Variants in MTCL3 observed in about 807,000 individuals in gnomAD.
MTCL3 encodes the protein microtubule cross-linking factor 3.
chr6:127,476,286 G>A, the MTCL3 span: 2 of 1,614,186 alleles, frequency 1.2e-6, no homozygotes, highest in East Asian at 4.5e-5. This position sits in a 1 kb window ranked among gnomAD's most constrained non-coding sequence, Gnocchi z 4.4. Flanking sequence ...CCCTAGTGCT[G>A]GGAGGGCCTC....
the MTCL3 span, among the ~76,000 whole-genome samples, chr6:127,506,721 C>T: frequency 6.6e-6 from 1 of 152,106 alleles, no homozygotes; most frequent in South Asian, 2.1e-4. Flanking sequence ...GCTGGGACTA[C>T]AGGCGCCCAC....
the MTCL3 span, among the ~76,000 whole-genome samples, chr6:127,508,426 G>T: frequency 1.3e-5 from 2 of 152,118 alleles, no homozygotes; most frequent in Non-Finnish European, 2.9e-5. Context: ...AAAATTTATA[G>T]TACTAATTAT....
At chr6:127,496,582 G>T in the MTCL3 span, among the ~76,000 whole-genome samples, 1 of 152,116 alleles carries the variant, frequency 6.6e-6, no homozygotes, top group Non-Finnish European at 1.5e-5. Flanking sequence ...ACATACTCAA[G>T]AGAAATAAAA....
the MTCL3 span, among the ~76,000 whole-genome samples, chr6:127,506,666 C>T: frequency 2.0e-5 from 3 of 152,112 alleles, no homozygotes; most frequent in African/African-American, 4.8e-5. Flanking sequence ...CTGCAAGCTC[C>T]GCCTCTCGGG....
At chr6:127,495,706 G>A in the MTCL3 span, among the ~76,000 whole-genome samples, 1 of 152,156 alleles carries the variant, frequency 6.6e-6, no homozygotes, top group African/African-American at 2.4e-5. Context: ...TTTCCAAAAT[G>A]CACTGAAAGG....
the MTCL3 span, among the ~76,000 whole-genome samples, chr6:127,484,798 C>T: frequency 1.3e-5 from 2 of 152,128 alleles, no homozygotes; most frequent in African/African-American, 4.8e-5. Context: ...TCATGTCAAC[C>T]CCTTCACATA....
chr6:127,478,318 T>A, the MTCL3 span, among the ~76,000 whole-genome samples: 1 of 152,184 alleles, frequency 6.6e-6, no homozygotes, highest in Non-Finnish European at 1.5e-5. Context: ...TGTACTCCCA[T>A]CAATCTAAAA....
the MTCL3 span, chr6:127,516,253 A>T: frequency 1.4e-6 from 2 of 1,455,008 alleles, no homozygotes; most frequent in Non-Finnish European, 1.8e-6. Flanking sequence ...AGCACCAGCC[A>T]CAGGCTGGAC....
At chr6:127,500,959 G>A in the MTCL3 span, among the ~76,000 whole-genome samples, 5 of 152,058 alleles carry the variant, frequency 3.3e-5, no homozygotes, top group East Asian at 1.9e-4. Flanking sequence ...TTACAGGCAC[G>A]TGCCATCACG....
chr6:127,514,682 AT>A, the MTCL3 span: 1 of 666,218 alleles, frequency 1.5e-6, no homozygotes, highest in Non-Finnish European at 2.5e-6. Context: ...AGACCCTAGT[AT>A]TTTGTGGTTA....
the MTCL3 span, among the ~76,000 whole-genome samples, chr6:127,504,941 T>A: frequency 0.74 from 113,093 of 152,134 alleles, 42,229 homozygotes; most frequent in African/African-American, 0.78. Flanking sequence ...ATTTCATTCT[T>A]AGAATCATAT....
the MTCL3 span, among the ~76,000 whole-genome samples, chr6:127,489,779 G>T: frequency 1.3e-5 from 2 of 152,232 alleles, no homozygotes; most frequent in African/African-American, 4.8e-5. Flanking sequence ...AGTGGGCATT[G>T]GTACATGAGG....
chr6:127,484,425 T>C, the MTCL3 span, among the ~76,000 whole-genome samples: 1 of 152,128 alleles, frequency 6.6e-6, no homozygotes, highest in African/African-American at 2.4e-5. Context: ...TGACTCACCA[T>C]AACCAAAAAG....
chr6:127,489,980 T>C, the MTCL3 span, among the ~76,000 whole-genome samples: 15 of 152,226 alleles, frequency 9.9e-5, no homozygotes, highest in African/African-American at 3.6e-4. Flanking sequence ...AGAACTTTCA[T>C]AGCTAAAAAG....
chr6:127,476,095 T>C, the MTCL3 span: 1 of 1,614,062 alleles, frequency 6.2e-7, no homozygotes. This position sits in a 1 kb window ranked among gnomAD's most constrained non-coding sequence, Gnocchi z 4.4. Context: ...CTGCCGCAGC[T>C]CCGACAGGGA....
the MTCL3 span, chr6:127,515,169 C>G: frequency 1.1e-6 from 1 of 915,616 alleles, no homozygotes; most frequent in South Asian, 1.5e-5. This position sits in a 1 kb window ranked among gnomAD's most constrained non-coding sequence, Gnocchi z 4.3. Flanking sequence ...CTCCACGAGA[C>G]AGGAGTGACA....
chr6:127,482,789 T>C, the MTCL3 span: 7 of 622,450 alleles, frequency 1.1e-5, no homozygotes, highest in Non-Finnish European at 1.6e-5. The surrounding 1 kb of genome is among the most constrained non-coding windows in gnomAD (Gnocchi z 4.1). Context: ...ACATAATTGA[T>C]ATGCAAATTT....
At chr6:127,482,862 T>C in the MTCL3 span, 3 of 1,346,266 alleles carry the variant, frequency 2.2e-6, no homozygotes, top group Non-Finnish European at 3.1e-6. This position sits in a 1 kb window ranked among gnomAD's most constrained non-coding sequence, Gnocchi z 4.1. Context: ...TTTGTGATTA[T>C]ATACACTTAG....
the MTCL3 span, chr6:127,475,287 C>CTG: frequency 6.3e-7 from 1 of 1,595,344 alleles, no homozygotes; most frequent in South Asian, 1.1e-5. This position sits in a 1 kb window ranked among gnomAD's most constrained non-coding sequence, Gnocchi z 7.3. Flanking sequence ...ATAGGCAGAA[C>CTG]TGTACCTGAC....
Sources: gnomAD v4.1 joint callset for allele counts (sites outside exome capture counted in the v4.1 genomes callset) on GRCh38, gnomAD v4.1.1 for gene constraint, Gnocchi (gnomAD v3.1) non-coding constraint, MANE v1.5 for transcripts, NCBI Gene and HGNC (gene_info 2026-07-23, HGNC 2026-07-21) for gene names.